FBXL2: variants seen among roughly 807,000 people sequenced by gnomAD.
FBXL2 encodes the protein F-box/LRR-repeat protein 2.
FBXL2 carries 38 observed loss-of-function variants against 69.2 expected under a neutral mutation model. The observed-to-expected ratio is 0.55, with a 90% CI of 0.42 to 0.72. The LOEUF (loss-of-function observed/expected upper bound fraction) is 0.72. FBXL2 is among the 30% of genes least tolerant of loss of function. FBXL2 has a pLI of 0.00. For synonymous variants in FBXL2, 192 were observed against 201.3 expected, an observed-to-expected ratio of 0.95 and a Z score of 0.39; for missense variants, 354 against 520.3, an observed-to-expected ratio of 0.68 and a Z score of 3.11.
At chr3:33,416,763 C>T in the FBXL2 span, 3 of 1,612,554 alleles carry the variant, frequency 1.9e-6, no homozygotes, top group Non-Finnish European at 2.5e-6. Context: ...CTTACCTTTA[C>T]TAATTTTCCA....
chr3:33,374,981 T>C (rs1182880381), intron 9 of FBXL2, among the ~76,000 whole-genome samples: 3 of 152,142 alleles, frequency 2.0e-5, no homozygotes, highest in African/African-American at 7.2e-5. Context: ...TATGAAAAAA[T>C]CTATATTTTG....
intron 1 of FBXL2, among the ~76,000 whole-genome samples, chr3:33,281,496 G>A (rs998758094): frequency 5.8e-4 from 88 of 152,076 alleles, no homozygotes; most frequent in South Asian, 2.1e-3. Flanking sequence ...ATAGTGCCGC[G>A]GTAAACATAC....
intron 2 of FBXL2, among the ~76,000 whole-genome samples, chr3:33,303,821 G>C (rs2036492568): frequency 6.6e-6 from 1 of 151,902 alleles, no homozygotes; most frequent in South Asian, 2.1e-4. Context: ...AATACAGTTT[G>C]AAGAGGCCAC....
chr3:33,301,558 C>A (rs4234255), intron 2 of FBXL2, among the ~76,000 whole-genome samples: 60,789 of 151,954 alleles, frequency 0.4, 13,530 homozygotes, highest in East Asian at 0.6. Flanking sequence ...GATAGTTTTA[C>A]GAATATATAT....
intron 1 of FBXL2, among the ~76,000 whole-genome samples, chr3:33,290,488 C>G (rs937752768): frequency 6.6e-6 from 1 of 152,068 alleles, no homozygotes; most frequent in Admixed American, 6.6e-5. Context: ...AGATGTTGAA[C>G]AACATGGATA....
At chr3:33,336,059 C>T (rs1333684620) in intron 2 of FBXL2, among the ~76,000 whole-genome samples, 1 of 152,104 alleles carries the variant, frequency 6.6e-6, no homozygotes, top group Non-Finnish European at 1.5e-5. Flanking sequence ...AATCATAACC[C>T]TAGCAGAGTT....
intron 5 of FBXL2, among the ~76,000 whole-genome samples, chr3:33,370,644 C>T (rs369269903): frequency 3.7e-4 from 57 of 152,186 alleles, no homozygotes; most frequent in African/African-American, 1.4e-3. Flanking sequence ...TCTCTGGAGT[C>T]TCACTCTGTC....
chr3:33,359,692 G>A (rs1448718042), intron 4 of FBXL2, among the ~76,000 whole-genome samples: 2 of 151,634 alleles, frequency 1.3e-5, no homozygotes, highest in South Asian at 2.1e-4. Context: ...AAAATCCACC[G>A]AGAATTCTAA....
chr3:33,389,397 C>T (rs2043663556), downstream of FBXL2: 1 of 132,400 alleles, frequency 7.6e-6, no homozygotes, highest in African/African-American at 2.8e-5. Context: ...AACAATAATA[C>T]TTTCTCCCCC....
At chr3:33,388,211 G>A (rs1195979341), downstream of FBXL2, 2 of 152,094 alleles carry the variant, frequency 1.3e-5, no homozygotes, top group Non-Finnish European at 2.9e-5. Context: ...AAACTGAAAA[G>A]GAAAAAACTA....
chr3:33,400,039 G>A, intron 12 of FBXL2: 1 of 442,226 alleles, frequency 2.3e-6, no homozygotes. Flanking sequence ...ATTCCTATTG[G>A]GGGATAGATA....
Position 33,373,569 on chromosome 3 carries a change from T to C in FBXL2, c.456-9T>C. On this transcript the variant is annotated splice_polypyrimidine_tract_variant and intron_variant, in intron 7 of 14. Transcript: ENST00000484457. ...ACTGCACATAAGTTTTTGTTTCTTG[T>C]TCTCTCAGTGAGGGCTGCCGAAACC... The C allele has an allele frequency of 6.2e-7, 1 of 1,614,164 alleles. No individual in the cohort carries two copies.
At chr3:33,380,308 G>A (rs1429480839) in intron 13 of FBXL2, among the ~76,000 whole-genome samples, 1 of 151,816 alleles carries the variant, frequency 6.6e-6, no homozygotes, top group Non-Finnish European at 1.5e-5. Flanking sequence ...GTAATCCCCA[G>A]CACTTTGGGA....
chr3:33,321,312 AAAAAAAAAGAAAAAGAAAAAAG>A (rs1467400349), intron 2 of FBXL2, among the ~76,000 whole-genome samples: 5 of 151,906 alleles, frequency 3.3e-5, no homozygotes, highest in Non-Finnish European at 5.9e-5. Flanking sequence ...TCCATCTCAA[AAAAAAAAAGAAAAAGAAAAAAG>A]AAAAAAAAGA....
At chr3:33,332,365 G>T (rs2039231970) in intron 2 of FBXL2, among the ~76,000 whole-genome samples, 1 of 152,222 alleles carries the variant, frequency 6.6e-6, no homozygotes, top group Non-Finnish European at 1.5e-5. Context: ...GCAGAAAACA[G>T]TTTGGGAGTT....
chr3:33,398,054 T>C (rs183041186), intron 12 of FBXL2: 2 of 152,194 alleles, frequency 1.3e-5, no homozygotes, highest in East Asian at 3.8e-4. Flanking sequence ...CTGGTAGTTT[T>C]TGAAGGTAGG....
intron 2 of FBXL2, among the ~76,000 whole-genome samples, chr3:33,299,891 T>TAA (rs1249343924): frequency 1.3e-5 from 2 of 152,206 alleles, no homozygotes; most frequent in Non-Finnish European, 2.9e-5. Context: ...TCAAGCACAG[T>TAA]AAGTTGTTAG....
At chr3:33,344,105 T>C (rs1212882117) in intron 2 of FBXL2, among the ~76,000 whole-genome samples, 1 of 149,136 alleles carries the variant, frequency 6.7e-6, no homozygotes, top group Non-Finnish European at 1.5e-5. Flanking sequence ...ATAACACTCA[T>C]AATACAAAAA....
At chr3:33,347,295 T>C (rs1185198588) in intron 2 of FBXL2, among the ~76,000 whole-genome samples, 2 of 152,212 alleles carry the variant, frequency 1.3e-5, no homozygotes, top group African/African-American at 4.8e-5. Context: ...TTGTAAATGA[T>C]AGGATCTCAT....
Sources: allele counts gnomAD v4.1 joint callset (sites outside exome capture counted in the v4.1 genomes callset), GRCh38; gene constraint gnomAD v4.1.1; transcripts MANE v1.5; gene names NCBI Gene and HGNC (gene_info 2026-07-23, HGNC 2026-07-21).